CNOT2: variants seen among roughly 807,000 people sequenced by gnomAD.
The protein encoded by CNOT2 is CC chemokine receptor 4-negative regulator of transcription 2.
In CNOT2, 7 loss-of-function variants were observed where a neutral mutation model predicts 72.1. That is an observed-to-expected ratio of 0.10 (90% CI 0.06 to 0.18). The LOEUF (loss-of-function observed/expected upper bound fraction) is 0.18. Ranked by LOEUF, CNOT2 falls within the 10% of genes least tolerant of loss-of-function variation. CNOT2 has a pLI of 1.00. For synonymous variants in CNOT2, 196 were observed against 225.6 expected, an observed-to-expected ratio of 0.87 and a Z score of 1.17; for missense variants, 345 against 660.3, an observed-to-expected ratio of 0.52 and a Z score of 5.23.
chr12:70,268,514 G>A (rs1959154977), intron 1 of CNOT2, among the ~76,000 whole-genome samples: 1 of 152,072 alleles, frequency 6.6e-6, no homozygotes. Context: ...GGTGCAGTCA[G>A]GGCTCACTTG....
intron 3 of CNOT2, among the ~76,000 whole-genome samples, chr12:70,315,109 C>G (rs1187682805): frequency 3.9e-5 from 6 of 152,132 alleles, no homozygotes; most frequent in African/African-American, 1.4e-4. Context: ...GGGGATCTGC[C>G]CTCCTCAGCC....
At chr12:70,304,528 A>G (rs1218769574) in intron 2 of CNOT2, among the ~76,000 whole-genome samples, 1 of 152,132 alleles carries the variant, frequency 6.6e-6, no homozygotes, top group Non-Finnish European at 1.5e-5. Flanking sequence ...ATATTGGTGA[A>G]CCACAAATGC....
At chr12:70,349,421 C>G (rs1408115938) in intron 15 of CNOT2, among the ~76,000 whole-genome samples, 1 of 152,114 alleles carries the variant, frequency 6.6e-6, no homozygotes, top group African/African-American at 2.4e-5. Context: ...TATGAATTAA[C>G]ATTTTAAATA....
chr12:70,318,997 T>TAAAAAA (rs1348447252), intron 3 of CNOT2: 2 of 202,548 alleles, frequency 9.9e-6, no homozygotes, highest in African/African-American at 4.6e-5. Flanking sequence ...CATGTCTATA[T>TAAAAAA]AATTTTATTT....
chr12:70,335,950 A>G (rs537775263), intron 8 of CNOT2: 2 of 158,568 alleles, frequency 1.3e-5, no homozygotes, highest in African/African-American at 4.8e-5. Context: ...CTGACTATAC[A>G]TTGAAGATGT....
intron 1 of CNOT2, among the ~76,000 whole-genome samples, chr12:70,272,996 G>A (rs1444687348): frequency 6.6e-6 from 1 of 151,854 alleles, no homozygotes; most frequent in Non-Finnish European, 1.5e-5. Context: ...TCTTATTAAT[G>A]CCATCCACAT....
chr12:70,296,759 C>A (rs902353985), intron 2 of CNOT2, among the ~76,000 whole-genome samples: 5 of 89,118 alleles, frequency 5.6e-5, no homozygotes, highest in Middle Eastern at 8.2e-3. Context: ...TTATTTAAGC[C>A]CCCCCCCCTT....
At position 70,346,214 on chromosome 12, in the gene CNOT2, C is replaced by A. The variant is rs781457383; in HGVS notation, c.1426C>A (p.Arg476=). The A allele has an allele frequency of 2.0e-5, 32 of 1,608,800 alleles. No individual in the cohort carries two copies. The highest frequency in any genetic ancestry group is 2.6e-5 in the Non-Finnish European group (30 of 1,175,782). Residue 476 remains arginine, a synonymous_variant, in exon 15 of 16, where the codon CGA becomes AGA. Transcript: ENST00000229195. ...TGATTGGAGATACCACAAAGAAGAACGAGTATGGATTACCAGGGCACCAGG... is the reference window on the plus strand; with the variant it reads ...TGATTGGAGATACCACAAAGAAGAAAGAGTATGGATTACCAGGGCACCAGG... ...NRDWRYHKEE[R]VWITRAPGME... is the part of the protein sequence containing the mutation.
intron 7 of CNOT2, 85 bp downstream of exon 7, chr12:70,332,931 T>C: frequency 7.2e-7 from 1 of 1,397,592 alleles, no homozygotes; most frequent in Non-Finnish European, 9.3e-7. Flanking sequence ...GGTCTTTAAA[T>C]ACGGTAGGAT....
At chr12:70,257,230 T>C (rs908354391) in intron 1 of CNOT2, among the ~76,000 whole-genome samples, 1 of 152,186 alleles carries the variant, frequency 6.6e-6, no homozygotes, top group Non-Finnish European at 1.5e-5. Context: ...GTATTCTCTC[T>C]GTAAGAACAG....
intron 1 of CNOT2, among the ~76,000 whole-genome samples, chr12:70,276,013 A>T (rs912597102): frequency 6.6e-6 from 1 of 152,004 alleles, no homozygotes; most frequent in East Asian, 1.9e-4. Context: ...TAGCTCCCAC[A>T]TTGATTAGAG....
intron 11 of CNOT2, among the ~76,000 whole-genome samples, chr12:70,339,691 T>C (rs1881232471): frequency 6.6e-6 from 1 of 152,192 alleles, no homozygotes; most frequent in Non-Finnish European, 1.5e-5. Context: ...CTTAGTCCAT[T>C]TACTCTTTTG....
chr12:70,255,190 G>T (rs964376972), intron 1 of CNOT2, among the ~76,000 whole-genome samples: 1 of 146,770 alleles, frequency 6.8e-6, no homozygotes, highest in Non-Finnish European at 1.5e-5. Context: ...CTTAACTCCT[G>T]CTTCATTAGG....
intron 1 of CNOT2, among the ~76,000 whole-genome samples, chr12:70,270,646 A>G (rs950156150): frequency 6.6e-6 from 1 of 152,122 alleles, no homozygotes; most frequent in Non-Finnish European, 1.5e-5. Context: ...ATATTCTTAA[A>G]CCTACACTTA....
In CNOT2 at chr12:70,338,730, A is replaced by T; in HGVS notation, c.1086A>T (p.Thr362=). 1 of 1,612,808 alleles carries T rather than the reference A, an allele frequency of 6.2e-7. No homozygotes were observed. The highest frequency in any genetic ancestry group is 1.1e-5 in the South Asian group (1 of 91,056). ...AATTTGGAATGATTGGCCTGTTAAC[A>T]TTTATCAGGGCAGCAGAGACAGACC... ...TDQFGMIGLL[T]FIRAAETDPG... Residue 362 remains threonine, a synonymous_variant, in exon 11 of 16, where the codon ACA becomes ACT. Coordinates refer to ENST00000229195, the MANE Select transcript of CNOT2 (RefSeq NM_014515.7).
At chr12:70,279,427 A>G (rs1204684739) in intron 2 of CNOT2, among the ~76,000 whole-genome samples, 2 of 152,192 alleles carry the variant, frequency 1.3e-5, no homozygotes, top group African/African-American at 4.8e-5. Context: ...CCAGATCTTT[A>G]TGATTTTAAT....
chr12:70,316,505 T>A (rs1284701520), intron 3 of CNOT2, among the ~76,000 whole-genome samples: 2 of 152,158 alleles, frequency 1.3e-5, no homozygotes, highest in Non-Finnish European at 2.9e-5. Context: ...TATAAGAAAT[T>A]AGATATTTGC....
Position 70,310,722 on chromosome 12 carries a change from C to T in CNOT2, c.49-173C>T, listed in dbSNP as rs192452952. Among the ~76,000 whole-genome samples the T allele has an allele frequency of 7.9e-5, 12 of 152,148 alleles. 1 individual carries two copies. The East Asian group carries it at 2.3e-3, about 29-fold the overall frequency. On this transcript the variant is annotated intron_variant, in intron 2 of 15. Coordinates refer to ENST00000229195, the MANE Select transcript of CNOT2 (RefSeq NM_014515.7). ...AGGGTCTGGAAATAAACATCTAACACTTTATTGTTATAATCAGATTTATGA... is the reference window on the plus strand; with the variant it reads ...AGGGTCTGGAAATAAACATCTAACATTTTATTGTTATAATCAGATTTATGA...
intron 2 of CNOT2, chr12:70,285,570 A>G (rs1211179317): frequency 6.6e-6 from 1 of 151,950 alleles, no homozygotes; most frequent in African/African-American, 2.4e-5. Flanking sequence ...CTAGGATGAT[A>G]GCACTGATGG....
Sources: allele counts gnomAD v4.1 joint callset (sites outside exome capture counted in the v4.1 genomes callset), GRCh38; gene constraint gnomAD v4.1.1; transcripts MANE v1.5; gene names NCBI Gene and HGNC (gene_info 2026-07-23, HGNC 2026-07-21).